GRIK4: variants seen among roughly 807,000 people sequenced by gnomAD.
GRIK4 encodes the protein glutamate receptor ionotropic, kainate 4.
Under a neutral mutation model 104.9 loss-of-function variants are expected in GRIK4, and 40 were observed. The ratio of observed to expected loss-of-function variants is 0.38; its 90% CI spans 0.30 to 0.50. The LOEUF is 0.50. Among genes scored for constraint, GRIK4 ranks in the 20% least tolerant of loss-of-function variants. The pLI, the probability that GRIK4 is intolerant of heterozygous loss-of-function variation, is 0.93. For missense variants in GRIK4, 1,047 were observed against 1,308.1 expected, an observed-to-expected ratio of 0.80 and a Z score of 3.08; for synonymous variants, 485 against 524.9, an observed-to-expected ratio of 0.92 and a Z score of 1.04.
At chr11:120,926,931 C>G (rs1943358682) in intron 13 of GRIK4, among the ~76,000 whole-genome samples, 2 of 152,158 alleles carry the variant, frequency 1.3e-5, no homozygotes, top group South Asian at 4.1e-4. Context: ...GAGAGGGGCC[C>G]ATTAAGTGGG....
At chr11:120,633,066 A>G (rs1432831371) in intron 1 of GRIK4, among the ~76,000 whole-genome samples, 1 of 152,024 alleles carries the variant, frequency 6.6e-6, no homozygotes, top group Admixed American at 6.6e-5. Context: ...TCTGATCCTA[A>G]GTTCAGTGCC....
chr11:120,620,739 G>T (rs935850106), intron 1 of GRIK4, among the ~76,000 whole-genome samples: 1 of 152,146 alleles, frequency 6.6e-6, no homozygotes, highest in African/African-American at 2.4e-5. Flanking sequence ...ATCAGGTATT[G>T]TAGTATTATT....
chr11:120,696,487 G>A (rs1215870550), intron 3 of GRIK4, among the ~76,000 whole-genome samples: 5 of 133,756 alleles, frequency 3.7e-5, no homozygotes, highest in Non-Finnish European at 3.2e-5. Flanking sequence ...TCAGTGGGGG[G>A]GCATGTGGTA....
At chr11:120,841,350 A>C (rs773418339) in intron 8 of GRIK4, among the ~76,000 whole-genome samples, 23 of 152,208 alleles carry the variant, frequency 1.5e-4, no homozygotes, top group Admixed American at 6.5e-5. Context: ...TATTTCATAT[A>C]AGTGGAATCA....
rs143341641 is a variant in GRIK4 at position 120,921,729 on chromosome 11, CCCT to C, written c.1476+16241_1476+16243del. Among the ~76,000 whole-genome samples the C allele has an allele frequency of 5.3e-3, 805 of 152,306 alleles. 7 individuals are homozygous for C. Among genetic ancestry groups the C allele is most frequent in the African/African-American group, 0.018 (767 of 41,556 alleles). On this transcript the variant is annotated intron_variant, in intron 13 of 20. Transcript: ENST00000527524. ...GAAGAATTTAAGCATCCCTTGCCCT[CCCT>C]CCTCTCTCCATGGGGTGGGGAGGTC...
intron 3 of GRIK4, among the ~76,000 whole-genome samples, chr11:120,704,047 C>A (rs1377228225): frequency 6.6e-6 from 1 of 152,160 alleles, no homozygotes; most frequent in South Asian, 2.1e-4. Flanking sequence ...AGGCGAAAAA[C>A]GAAACTCTTT....
chr11:120,960,309 C>G (rs1463797278), intron 16 of GRIK4, among the ~76,000 whole-genome samples: 1 of 152,164 alleles, frequency 6.6e-6, no homozygotes, highest in Non-Finnish European at 1.5e-5. Flanking sequence ...AGCCTGGCAA[C>G]AGAGCAAGAC....
At chr11:120,662,741 G>A (rs908927358) in intron 3 of GRIK4, among the ~76,000 whole-genome samples, 1 of 152,080 alleles carries the variant, frequency 6.6e-6, no homozygotes, top group Non-Finnish European at 1.5e-5. Flanking sequence ...GTTTTTCTGG[G>A]GTTTTCCCCA....
intron 1 of GRIK4, among the ~76,000 whole-genome samples, chr11:120,647,152 AG>A (rs1221461513): frequency 2.0e-5 from 3 of 152,204 alleles, no homozygotes; most frequent in African/African-American, 7.2e-5. Context: ...TGGACCTGCC[AG>A]GGCTCTGCTT....
intron 1 of GRIK4, among the ~76,000 whole-genome samples, chr11:120,540,813 C>T (rs986193616): frequency 1.3e-5 from 2 of 151,678 alleles, no homozygotes; most frequent in Non-Finnish European, 2.9e-5. Flanking sequence ...ACTTTGGACT[C>T]AAAAAATATC....
chr11:120,848,087 G>A (rs752087918), intron 8 of GRIK4, among the ~76,000 whole-genome samples: 1 of 152,200 alleles, frequency 6.6e-6, no homozygotes, highest in Non-Finnish European at 1.5e-5. Flanking sequence ...GACCCTGGAA[G>A]CCTTCTCACC....
chr11:120,629,201 A>G (rs1478799590), intron 1 of GRIK4, among the ~76,000 whole-genome samples: 1 of 152,054 alleles, frequency 6.6e-6, no homozygotes, highest in East Asian at 1.9e-4. Flanking sequence ...TGAGAACAAA[A>G]CTGGTATAGG....
chr11:120,643,052 C>A (rs775559656), intron 1 of GRIK4, among the ~76,000 whole-genome samples: 3 of 152,058 alleles, frequency 2.0e-5, no homozygotes, highest in Non-Finnish European at 4.4e-5. Context: ...TTACTGAGCA[C>A]CCACTATGTA....
chr11:120,871,649 C>G, intron 9 of GRIK4: 1 of 456,092 alleles, frequency 2.2e-6, no homozygotes, highest in Non-Finnish European at 4.4e-6. Flanking sequence ...GCAGGAGACT[C>G]GACGGAGGCC....
intron 3 of GRIK4, among the ~76,000 whole-genome samples, chr11:120,714,759 G>A (rs1950797762): frequency 6.6e-6 from 1 of 152,222 alleles, no homozygotes; most frequent in Non-Finnish European, 1.5e-5. Flanking sequence ...TGAGTCAAGA[G>A]AGAATATGAT....
At chr11:120,548,481 T>C (rs145365922) in intron 1 of GRIK4, among the ~76,000 whole-genome samples, 54 of 152,142 alleles carry the variant, frequency 3.5e-4, no homozygotes, top group African/African-American at 1.2e-3. Context: ...GGTGTCTTGC[T>C]CAGCTGGCCA....
intron 1 of GRIK4, among the ~76,000 whole-genome samples, chr11:120,588,830 C>G (rs1012306349): frequency 6.6e-6 from 1 of 152,168 alleles, no homozygotes; most frequent in African/African-American, 2.4e-5. Flanking sequence ...TAACCAAGCA[C>G]AATTCTAGAC....
intron 3 of GRIK4, among the ~76,000 whole-genome samples, chr11:120,675,318 A>G (rs10892601): frequency 0.16 from 23,692 of 151,786 alleles, 2,007 homozygotes; most frequent in South Asian, 0.23. Flanking sequence ...CCTGGGTGGG[A>G]CTCCCTTCTG....
At chr11:120,754,859 C>T (rs1399357633) in intron 3 of GRIK4, among the ~76,000 whole-genome samples, 1 of 152,088 alleles carries the variant, frequency 6.6e-6, no homozygotes, top group Non-Finnish European at 1.5e-5. Context: ...TTTTTTGCCC[C>T]TTTTTAATTG....
Sources: allele counts gnomAD v4.1 joint callset (sites outside exome capture counted in the v4.1 genomes callset), GRCh38; gene constraint gnomAD v4.1.1; transcripts MANE v1.5; gene names NCBI Gene and HGNC (gene_info 2026-07-23, HGNC 2026-07-21).